Variants in MPDZ observed in about 807,000 individuals in gnomAD.
MPDZ encodes multiple PDZ domain protein.
In MPDZ, 234 loss-of-function variants were observed where a neutral mutation model predicts 239.1. The ratio of observed to expected loss-of-function variants is 0.98; its 90% CI spans 0.88 to 1.09. The LOEUF is 1.09. MPDZ is among the 50% of genes least tolerant of loss of function. The pLI is 0.00. For missense variants in MPDZ, 3,175 were observed against 2,510.0 expected, an observed-to-expected ratio of 1.26 and a Z score of -5.66; for synonymous variants, 1,048 against 881.3, an observed-to-expected ratio of 1.19 and a Z score of -3.35.
chr9:13,112,256 G>A, intron 42 of MPDZ, 110 bp from the exon 43 acceptor site: 2 of 1,146,520 alleles, frequency 1.7e-6, no homozygotes, highest in Non-Finnish European at 2.4e-6. Flanking sequence ...AAGTGTGAGG[G>A]GGAAAATGAA....
intron 28 of MPDZ, among the ~76,000 whole-genome samples, chr9:13,139,631 A>G (rs529815929): frequency 6.6e-6 from 1 of 152,316 alleles, no homozygotes; most frequent in East Asian, 1.9e-4. Flanking sequence ...ATCAACAACC[A>G]GAATATCCTC....
At chr9:13,241,368 G>A (rs1398861009) in intron 3 of MPDZ, among the ~76,000 whole-genome samples, 1 of 152,140 alleles carries the variant, frequency 6.6e-6, no homozygotes, top group Non-Finnish European at 1.5e-5. Context: ...CAACAGCTGG[G>A]AAGAGTTCCA....
chr9:13,182,815 A>G (rs548160801), intron 19 of MPDZ, among the ~76,000 whole-genome samples: 1 of 152,278 alleles, frequency 6.6e-6, no homozygotes, highest in Admixed American at 6.5e-5. Context: ...GAGTTGGGGC[A>G]TTTATGCCAA....
intron 3 of MPDZ, among the ~76,000 whole-genome samples, chr9:13,226,630 A>T (rs1054159102): frequency 6.6e-6 from 1 of 152,064 alleles, no homozygotes; most frequent in East Asian, 1.9e-4. Flanking sequence ...CTAAGACAGC[A>T]CCATTATACT....
intron 12 of MPDZ, among the ~76,000 whole-genome samples, chr9:13,201,593 G>A (rs952701845): frequency 6.6e-6 from 1 of 151,746 alleles, no homozygotes; most frequent in Non-Finnish European, 1.5e-5. Flanking sequence ...AATTCTCATA[G>A]GTCTCCTTCA....
At chr9:13,141,615 T>C (rs1052895326) in intron 27 of MPDZ, among the ~76,000 whole-genome samples, 2 of 152,192 alleles carry the variant, frequency 1.3e-5, no homozygotes, top group Non-Finnish European at 2.9e-5. Context: ...TTTAAAAAAC[T>C]GACTTCTTGT....
chr9:13,137,911 C>G, intron 29 of MPDZ, 46 bp downstream of exon 29: 1 of 1,576,600 alleles, frequency 6.3e-7, no homozygotes, highest in Non-Finnish European at 8.7e-7. Context: ...AGTTCCATTA[C>G]CCTTATAAAA....
chr9:13,246,921 G>C (rs143264052), intron 3 of MPDZ, among the ~76,000 whole-genome samples: 1 of 152,266 alleles, frequency 6.6e-6, no homozygotes, highest in East Asian at 1.9e-4. Flanking sequence ...TTAAAGCATA[G>C]AAATGGTGAT....
At position 13,236,247 on chromosome 9, in the gene MPDZ, G is replaced by GTA. The variant is rs1362734880; in HGVS notation, c.183+11387_183+11388insTA. ...TGTGTATATGTATATGTGTGTGTGT[G>GTA]TGTATATATATATATATATATTTTT... On this transcript the variant is annotated intron_variant, in intron 3 of 46. Coordinates refer to ENST00000319217, the MANE Select transcript of MPDZ (RefSeq NM_001378778.1). Among the ~76,000 whole-genome samples, 133 of 17,122 alleles carry GTA rather than the reference G, an allele frequency of 7.8e-3. 21 individuals carry two copies. The highest frequency in any genetic ancestry group is 0.02 in the African/African-American group (123 of 6,148). 11.2% of individuals were successfully genotyped at this position (17,122 alleles called of 152,430 possible). A position where few individuals can be genotyped will look rare whatever the true frequency, so the allele number is the denominator to read the frequency against.
chr9:13,225,922 C>G (rs1419711994), intron 3 of MPDZ, among the ~76,000 whole-genome samples: 22 of 152,082 alleles, frequency 1.4e-4, no homozygotes, highest in Non-Finnish European at 4.4e-5. Context: ...CTTTGGCTGA[C>G]TCTTGACTGC....
chr9:13,158,592 A>T (rs972439542), intron 23 of MPDZ, among the ~76,000 whole-genome samples: 19 of 152,156 alleles, frequency 1.2e-4, no homozygotes, highest in African/African-American at 4.1e-4. Flanking sequence ...GGATGGACCA[A>T]TGATTTTCTT....
intron 22 of MPDZ, chr9:13,165,442 T>C (rs986914721): frequency 1.9e-6 from 3 of 1,547,650 alleles, no homozygotes; most frequent in African/African-American, 2.7e-5. Context: ...GGCATCTTTT[T>C]ACAATGGTGT....
chr9:13,203,535 A>C (rs1016175013), intron 12 of MPDZ, among the ~76,000 whole-genome samples: 7 of 152,158 alleles, frequency 4.6e-5, no homozygotes, highest in Non-Finnish European at 7.4e-5. Context: ...TCTTGCTGGA[A>C]AGTCAAATGA....
intron 36 of MPDZ, 93 bp downstream of exon 36, chr9:13,123,060 C>T: frequency 7.6e-7 from 1 of 1,307,750 alleles, no homozygotes. Flanking sequence ...CTTCACATTT[C>T]CTTTACTAGA....
Position 13,140,040 on chromosome 9 carries a change from G to A in MPDZ, c.3950C>T (p.Ala1317Val), listed in dbSNP as rs756172439. 1.5e-5 allele frequency: 24 copies of A among 1,613,350 alleles called. No homozygotes were observed. The highest frequency in any genetic ancestry group is 1.9e-5 in the Non-Finnish European group (23 of 1,179,738). Residue 1317 changes from alanine (A) to valine (V), a missense_variant, in exon 28 of 47, where the codon GCA becomes GTA. Coordinates refer to ENST00000319217, the MANE Select transcript of MPDZ (RefSeq NM_001378778.1). ...EMGSDHTQSS[A>V]SKISQDVDKE... ...GTCCACATCTTGTGAGATTTTGCTTGCAGATGACTGTGTGTGATCACTACC... is the reference window on the plus strand; with the variant it reads ...GTCCACATCTTGTGAGATTTTGCTTACAGATGACTGTGTGTGATCACTACC...
intron 1 of MPDZ, among the ~76,000 whole-genome samples, chr9:13,251,927 G>C (rs1968154439): frequency 6.6e-6 from 1 of 152,156 alleles, no homozygotes; most frequent in Admixed American, 6.5e-5. Flanking sequence ...ACAGAAGTGT[G>C]GCCTTGAGCA....
At chr9:13,149,890 C>T (rs1948922968) in intron 25 of MPDZ, among the ~76,000 whole-genome samples, 3 of 151,700 alleles carry the variant, frequency 2.0e-5, no homozygotes, top group African/African-American at 7.3e-5. Context: ...TGAAAAGGAG[C>T]GAGATCCTGG....
At chr9:13,206,171 T>C (rs1234822253) in intron 10 of MPDZ, 72 bp from the exon 11 acceptor site, 35 of 1,365,884 alleles carry the variant, frequency 2.6e-5, no homozygotes, top group African/African-American at 8.8e-5. Flanking sequence ...ATTCACAAAA[T>C]GTGTATGTAT....
intron 12 of MPDZ, among the ~76,000 whole-genome samples, chr9:13,202,340 G>C (rs900050190): frequency 1.3e-5 from 2 of 152,122 alleles, no homozygotes; most frequent in African/African-American, 4.8e-5. Context: ...GATTTAAGCT[G>C]GCACCAAAAC....
Sources: allele counts gnomAD v4.1 joint callset (sites outside exome capture counted in the v4.1 genomes callset), GRCh38; gene constraint gnomAD v4.1.1; transcripts MANE v1.5; gene names NCBI Gene and HGNC (gene_info 2026-07-23, HGNC 2026-07-21).